The following NCOA7 variants were observed in gnomAD, a reference collection of about 807,000 sequenced individuals.
NCOA7 encodes nuclear receptor coactivator 7, also known as 140 kDa estrogen receptor-associated protein.
A neutral mutation model predicts 104.3 loss-of-function variants in NCOA7; 45 were observed. The observed-to-expected ratio is 0.43, with a 90% CI of 0.34 to 0.55. The LOEUF (loss-of-function observed/expected upper bound fraction) is 0.55, where lower values mean the gene tolerates loss of function less well. NCOA7 is among the 20% of genes least tolerant of loss of function. The pLI, the probability that NCOA7 is intolerant of heterozygous loss-of-function variation, is 0.02. For synonymous variants in NCOA7, 398 were observed against 402.3 expected (o/e 0.99, Z 0.13); for missense variants, 1,041 against 1,119.7 (o/e 0.93, Z 1.00).
chr6:125,913,893 T>C (rs988470490), intron 10 of NCOA7, among the ~76,000 whole-genome samples: 3 of 152,028 alleles, frequency 2.0e-5, no homozygotes, highest in African/African-American at 7.3e-5. Flanking sequence ...TATTGAAAAA[T>C]GTTCAAGCCC....
chr6:125,812,496 G>A (rs1253829654), intron 1 of NCOA7, among the ~76,000 whole-genome samples: 1 of 152,214 alleles, frequency 6.6e-6, no homozygotes, highest in African/African-American at 2.4e-5. Context: ...CTGAGACTGT[G>A]TACTCCCATG....
chr6:125,928,941 A>G lies in NCOA7; in HGVS notation c.*170A>G. 2 of 656,536 alleles carry G rather than the reference A, an allele frequency of 3.0e-6. No homozygotes were observed. 40.7% of individuals were successfully genotyped at this position (656,536 alleles called of 1,614,324 possible). ...ATTGCAGAAAGATTCTGGAAGGTCC[A>G]TGTAGAGGGCAGACATTGAAGAAAG... On this transcript the variant is annotated 3_prime_UTR_variant, in exon 16 of 16. Coordinates refer to ENST00000392477, the MANE Select transcript of NCOA7 (RefSeq NM_181782.5).
chr6:125,835,943 T>G (rs1177024098), intron 2 of NCOA7, among the ~76,000 whole-genome samples: 1 of 152,254 alleles, frequency 6.6e-6, no homozygotes, highest in Non-Finnish European at 1.5e-5. Flanking sequence ...TACATGTCAC[T>G]GTAAATATCA....
chr6:125,799,019 A>C (rs778861768), intron 1 of NCOA7, among the ~76,000 whole-genome samples: 1 of 152,078 alleles, frequency 6.6e-6, no homozygotes, highest in African/African-American at 2.4e-5. Flanking sequence ...CTGTTTCTTC[A>C]AGAATAAGCA....
intron 3 of NCOA7, among the ~76,000 whole-genome samples, chr6:125,857,892 C>T (rs973801776): frequency 5.9e-5 from 9 of 151,766 alleles, no homozygotes; most frequent in South Asian, 2.1e-4. Flanking sequence ...GAGCCCAAAG[C>T]GTATGCTTTT....
At chr6:125,916,625 A>C (rs1397826887) in intron 11 of NCOA7, among the ~76,000 whole-genome samples, 2 of 152,130 alleles carry the variant, frequency 1.3e-5, no homozygotes, top group Non-Finnish European at 2.9e-5. Flanking sequence ...GCTTAGACAG[A>C]TGGTAAATGA....
intron 3 of NCOA7, 139 bp downstream of exon 3, chr6:125,855,379 C>T (rs1781467475): frequency 3.1e-6 from 2 of 638,170 alleles, no homozygotes; most frequent in Non-Finnish European, 5.3e-6. Flanking sequence ...CCTTGCTTTA[C>T]ATACATAATC....
At chr6:125,882,290 A>G in intron 6 of NCOA7, 136 bp from the exon 7 acceptor site, 2 of 803,460 alleles carry the variant, frequency 2.5e-6, no homozygotes, top group Non-Finnish European at 4.0e-6. Flanking sequence ...TTTGAAGGAC[A>G]GAGGATATTT....
upstream of NCOA7, among the ~76,000 whole-genome samples, chr6:125,788,528 T>C (rs1774573483): frequency 6.6e-6 from 1 of 151,046 alleles, no homozygotes; most frequent in Admixed American, 6.6e-5. Context: ...CCTTGCAATA[T>C]CTTTGGAAGA....
intron 2 of NCOA7, 129 bp from the exon 3 acceptor site, chr6:125,854,891 C>G (rs1369333512): frequency 1.6e-6 from 1 of 624,466 alleles, no homozygotes; most frequent in Non-Finnish European, 2.8e-6. Flanking sequence ...ATGTAATGAA[C>G]CATATTATAA....
Position 125,889,934 on chromosome 6 carries a change from C to A in NCOA7, c.1880C>A (p.Ser627Tyr). 6.4e-7 allele frequency: 1 copy of A among 1,573,322 alleles called. No individual in the cohort carries two copies. The highest frequency in any genetic ancestry group is 8.6e-7 in the Non-Finnish European group (1 of 1,164,294). Residue 627 changes from serine (S) to tyrosine (Y), a missense_variant, in exon 9 of 16, where the codon TCT (serine) becomes TAT (tyrosine). This residue lies in a region of NCOA7 where 914 missense variants were observed against 942.7 expected (regional missense o/e 0.97). Coordinates refer to ENST00000392477, the MANE Select transcript of NCOA7 (RefSeq NM_181782.5). ...SCQGAQMDNK[S>Y]EVQLWLLKRI... Reference sequence around the variant, plus strand: ...CAAGGTGCACAAATGGATAATAAATCTGAAGTTCAGTTGTGGCTGTTAAAG... The same window carrying A: ...CAAGGTGCACAAATGGATAATAAATATGAAGTTCAGTTGTGGCTGTTAAAG...
intron 1 of NCOA7, among the ~76,000 whole-genome samples, chr6:125,800,307 G>A (rs1202861662): frequency 6.6e-6 from 1 of 152,190 alleles, no homozygotes; most frequent in Non-Finnish European, 1.5e-5. Context: ...TTTCTAAAGT[G>A]AAGTTCATGT....
chr6:125,799,144 C>G (rs935866468), intron 1 of NCOA7, among the ~76,000 whole-genome samples: 1 of 152,136 alleles, frequency 6.6e-6, no homozygotes, highest in African/African-American at 2.4e-5. Flanking sequence ...ATTTCATGCA[C>G]TCAGCCTGCT....
intron 3 of NCOA7, among the ~76,000 whole-genome samples, chr6:125,873,697 A>G (rs149477146): frequency 2.6e-3 from 390 of 152,316 alleles, no homozygotes; most frequent in Middle Eastern, 0.01. Flanking sequence ...TATGAGCTAT[A>G]TATACTTAAT....
At chr6:125,789,274 C>G (rs1774624675), upstream of NCOA7, among the ~76,000 whole-genome samples, 2 of 152,342 alleles carry the variant, frequency 1.3e-5, no homozygotes, top group South Asian at 4.1e-4. Flanking sequence ...TGGGTGCTTC[C>G]TGGACAAGCG....
intron 10 of NCOA7, among the ~76,000 whole-genome samples, chr6:125,896,229 A>G (rs1195970355): frequency 1.3e-5 from 2 of 152,020 alleles, no homozygotes; most frequent in Non-Finnish European, 2.9e-5. Flanking sequence ...ATCCAAGAAT[A>G]TGTTTAAGGC....
chr6:125,784,870 G>T (rs1268071), intron 1 of NCOA7, among the ~76,000 whole-genome samples: 18,289 of 152,150 alleles, frequency 0.12, 1,468 homozygotes, highest in African/African-American at 0.23. Flanking sequence ...CCAGAAATAG[G>T]GATGTGGTGA....
At chr6:125,902,012 C>T (rs1785546391) in intron 10 of NCOA7, among the ~76,000 whole-genome samples, 1 of 152,164 alleles carries the variant, frequency 6.6e-6, no homozygotes, top group African/African-American at 2.4e-5. Flanking sequence ...CGCTTCTTCT[C>T]ATCTTTCCTC....
intron 12 of NCOA7, among the ~76,000 whole-genome samples, chr6:125,921,891 T>C (rs933849280): frequency 1.3e-5 from 2 of 152,222 alleles, no homozygotes; most frequent in South Asian, 2.1e-4. Flanking sequence ...AATGCACTTA[T>C]GTTTGAACTG....
Sources: gnomAD v4.1 joint callset for allele counts (sites outside exome capture counted in the v4.1 genomes callset) on GRCh38, gnomAD v4.1.1 for gene constraint, gnomAD v4.1.1 regional missense constraint, MANE v1.5 for transcripts, NCBI Gene and HGNC (gene_info 2026-07-23, HGNC 2026-07-21) for gene names.